MTCH1: variants seen among roughly 807,000 people sequenced by gnomAD.
MTCH1 encodes the protein mitochondrial carrier 1, also known as mitochondrial carrier homolog 1.
In MTCH1, 23 loss-of-function variants were observed where a neutral mutation model predicts 49.3. That is an observed-to-expected ratio of 0.47 (90% CI 0.34 to 0.66). The LOEUF is 0.66. MTCH1 is among the 30% of genes least tolerant of loss of function. The pLI is 0.01. For missense variants in MTCH1, 397 were observed against 532.1 expected (o/e 0.75, Z 2.50); for synonymous variants, 229 against 215.2 (o/e 1.06, Z -0.56).
intron 7 of MTCH1, among the ~76,000 whole-genome samples, chr6:36,974,640 C>T (rs977367503): frequency 1.3e-5 from 2 of 152,154 alleles, no homozygotes; most frequent in Admixed American, 6.5e-5. Flanking sequence ...AAGATGTCTC[C>T]GGACACTGCC....
chr6:36,978,856 T>C lies in MTCH1; in HGVS notation c.407-245A>G, dbSNP rs553024937. 1.9e-3 allele frequency among the ~76,000 whole-genome samples: 285 copies of C among 148,900 alleles called. 5 individuals are homozygous for C. The Middle Eastern group carries it at 0.021, about 11-fold the overall frequency. On this transcript the variant is annotated intron_variant, in intron 2 of 11. Transcript: ENST00000373627. ...CAAACAAGTTCATATATTTTCTTCC[T>C]TCCTTCCCTCCCTCCCTCCTTTTTT...
rs1459196787 is a variant in MTCH1 at position 36,972,677 on chromosome 6, C to A, written c.881G>T (p.Gly294Val). ...CTGGGAACCTGGATTCTGGTCGTTTCCCAGCCCCCCTGGGGTGTCACTCAC... is the reference window on the plus strand; with the variant it reads ...CTGGGAACCTGGATTCTGGTCGTTTACCAGCCCCCCTGGGGTGTCACTCAC... Reference protein sequence around the residue: ...DSVSDTPGGLGNDQNPGSQFS... With the variant: ...DSVSDTPGGLVNDQNPGSQFS... Residue 294 changes from glycine to valine, a missense_variant, in exon 8 of 12, where the codon GGA becomes GTA. Around this residue, in one of 2 missense-constraint regions of MTCH1, gnomAD observed 252 missense variants for 388.3 expected, o/e 0.65. Transcript: ENST00000373627. This position sits in a 1 kb window ranked among gnomAD's most constrained non-coding sequence, Gnocchi z 4.1. 2 of 1,551,274 alleles carry A rather than the reference C, an allele frequency of 1.3e-6. No homozygotes were observed. The highest frequency in any genetic ancestry group is 2.4e-5 in the South Asian group (2 of 84,032).
intron 6 of MTCH1, 46 bp from the exon 7 acceptor site, chr6:36,975,763 C>T (rs1343710051): frequency 1.9e-6 from 3 of 1,580,944 alleles, no homozygotes; most frequent in South Asian, 1.1e-5. Context: ...CAGTCACCTA[C>T]CAGAAGCCCA....
In MTCH1 at chr6:36,985,859, G is replaced by A. The variant is rs745391731; in HGVS notation, c.315C>T (p.Leu105=). ...GGCGCCTCTGGTCCCCCACCTGGATGAGCAGCTTCACGTAGAGCAGGGGAT... is the reference window on the plus strand; with the variant it reads ...GGCGCCTCTGGTCCCCCACCTGGATAAGCAGCTTCACGTAGAGCAGGGGAT... ...LSHPLLYVKL[L]IQVGHEPMPP... is the part of the protein sequence containing the mutation. Residue 105 remains leucine, a synonymous_variant, in exon 1 of 12, where the codon CTC becomes CTT. Transcript: ENST00000373627. The A allele has an allele frequency of 7.7e-6, 12 of 1,556,932 alleles. No individual in the cohort carries two copies. In the Middle Eastern group the frequency reaches 5.0e-4, roughly 65 times the overall value.
chr6:36,984,374 C>A (rs1026206516), intron 1 of MTCH1, among the ~76,000 whole-genome samples: 1 of 152,182 alleles, frequency 6.6e-6, no homozygotes. Flanking sequence ...TAGTCAGGCA[C>A]CTTGATGCCC....
rs1372288218 is a variant in MTCH1 at position 36,982,801 on chromosome 6, T to C, written c.322-1129A>G. ...CTGCTGCCAGGGAGGAGGCAAGGTG[T>C]CAAGGAGACCAGCACCTAGGTGGGG... is the stretch of plus-strand genomic sequence containing the variant. On this transcript the variant is annotated intron_variant, in intron 1 of 11. Coordinates refer to ENST00000373627, the MANE Select transcript of MTCH1 (RefSeq NM_001271641.2). The surrounding 1 kb of genome is among the most constrained non-coding windows in gnomAD (Gnocchi z 4.1). 6.6e-6 allele frequency among the ~76,000 whole-genome samples: 1 copy of C among 152,166 alleles called. No individual in the cohort carries two copies. The highest frequency in any genetic ancestry group is 1.5e-5 in the Non-Finnish European group (1 of 68,014).
intron 6 of MTCH1, 86 bp from the exon 7 acceptor site, chr6:36,975,803 T>C: frequency 8.2e-7 from 1 of 1,219,254 alleles, no homozygotes; most frequent in Non-Finnish European, 1.2e-6. Flanking sequence ...GCCCACCAGT[T>C]CTGCTCAAAT....
intron 6 of MTCH1, among the ~76,000 whole-genome samples, chr6:36,976,202 A>G (rs1178038595): frequency 6.6e-6 from 1 of 152,138 alleles, no homozygotes; most frequent in African/African-American, 2.4e-5. Context: ...AGGAGGAGGC[A>G]CTGGAACCAG....
rs2293382 is a variant in MTCH1, at chr6:36,972,532, T to C, written c.906+120A>G. On this transcript the variant is annotated intron_variant, in intron 8 of 11. Transcript: ENST00000373627. The surrounding 1 kb of genome is among the most constrained non-coding windows in gnomAD (Gnocchi z 4.1). ...TAGACAAAGATGACTCCAGGGATAA[T>C]GAGAGGTCCTCTCTCACCCTCCCGG... The C allele has an allele frequency of 4.1e-6, 5 of 1,233,000 alleles. No individual in the cohort carries two copies. In the East Asian group the frequency reaches 1.3e-4, roughly 32 times the overall value. The allele number at this position is 1,233,000 out of a possible 1,614,324, so 76.4% of individuals were successfully genotyped here.
At chr6:36,986,226 AC>A (rs754337312), upstream of MTCH1, 2,504 of 1,370,650 alleles carry the variant, frequency 1.8e-3, 5 homozygotes, top group Non-Finnish European at 2.2e-3. Context: ...ACGCCCCCTC[AC>A]CGGCGTCAGG....
Position 36,970,084 on chromosome 6 carries a change from T to C in MTCH1, c.1053A>G (p.Pro351=), listed in dbSNP as rs377194346. 1.2e-6 allele frequency: 2 copies of C among 1,614,140 alleles called. No individual in the cohort carries two copies. Residue 351 remains proline, a synonymous_variant, in exon 11 of 12, where the codon CCA becomes CCG. Coordinates refer to ENST00000373627, the MANE Select transcript of MTCH1 (RefSeq NM_001271641.2). ...GLQAGLPPYS[P]VFKSWIHCWK... is the part of the protein sequence containing the mutation. ...AGCAGTGAATCCAGGATTTGAACAC[T>C]GGGGAGTAAGGGGGGAGCCCAGCTT...
At position 36,985,949 on chromosome 6, in the gene MTCH1, C is replaced by G. The variant is rs1583272384; in HGVS notation, c.225G>C (p.Gly75=). ...MDGGSGGLGS[G]DNAPTTEALF... ...GAGCCTCAGTGGTCGGGGCGTTGTCCCCAGACCCCAGGCCCCCTGACCCGC... is the reference window on the plus strand; with the variant it reads ...GAGCCTCAGTGGTCGGGGCGTTGTCGCCAGACCCCAGGCCCCCTGACCCGC... The change falls in exon 1 of 12, where the codon GGG becomes GGC. Residue 75 remains glycine, a synonymous_variant. Coordinates refer to ENST00000373627, the MANE Select transcript of MTCH1 (RefSeq NM_001271641.2). 3 of 1,551,134 alleles carry G rather than the reference C, an allele frequency of 1.9e-6. No homozygotes were observed. The African/African-American group carries it at 4.1e-5, about 21-fold the overall frequency.
chr6:36,980,107 C>G (rs1397623107), intron 2 of MTCH1, among the ~76,000 whole-genome samples: 2 of 152,174 alleles, frequency 1.3e-5, no homozygotes, highest in Non-Finnish European at 2.9e-5. Flanking sequence ...AATGGCGGGT[C>G]CCCTCTCTGA....
At chr6:36,985,706 A>AC in intron 1 of MTCH1, 147 bp downstream of exon 1, 7 of 228,062 alleles carry the variant, frequency 3.1e-5, no homozygotes, top group East Asian at 1.6e-4. Context: ...CTTCCCTCCC[A>AC]TCCCACCCAC....
intron 2 of MTCH1, among the ~76,000 whole-genome samples, chr6:36,979,172 C>T (rs3798478): frequency 0.11 from 16,597 of 152,076 alleles, 1,101 homozygotes; most frequent in South Asian, 0.17. Flanking sequence ...TGTGCTACAC[C>T]CAGGATACCA....
chr6:36,978,308 G>A (rs1483804686), intron 3 of MTCH1, among the ~76,000 whole-genome samples, 153 bp from the exon 4 acceptor site: 2 of 152,216 alleles, frequency 1.3e-5, no homozygotes, highest in Non-Finnish European at 2.9e-5. Context: ...GGAGCTTGGG[G>A]GGAAAAGAAA....
In MTCH1 at chr6:36,970,684, G is replaced by A. The variant is rs1433585544; in HGVS notation, c.917C>T (p.Ala306Val). 6.2e-7 allele frequency: 1 copy of A among 1,614,136 alleles called. No individual in the cohort carries two copies. The highest frequency in any genetic ancestry group is 8.5e-7 in the Non-Finnish European group (1 of 1,180,014). ...DQNPGSQFSQ[A>V]LAIRSYTKFV... Reference sequence around the variant, plus strand: ...CTTGGTATAGCTCCGGATGGCCAGGGCCTGGCTGAACTGAGGAGACAGAAG... The same window carrying A: ...CTTGGTATAGCTCCGGATGGCCAGGACCTGGCTGAACTGAGGAGACAGAAG... The change falls in exon 9 of 12, where the codon GCC (alanine) becomes GTC (valine). Residue 306 changes from alanine (A) to valine (V), a missense_variant. Physicochemically the swap from Ala to Val is moderately conservative, Grantham distance 64. Around this residue, in one of 2 missense-constraint regions of MTCH1, gnomAD observed 252 missense variants for 388.3 expected, o/e 0.65. Coordinates refer to ENST00000373627, the MANE Select transcript of MTCH1 (RefSeq NM_001271641.2).
At chr6:36,976,790 G>T (rs1473615081) in intron 6 of MTCH1, among the ~76,000 whole-genome samples, 1 of 152,216 alleles carries the variant, frequency 6.6e-6, no homozygotes, top group Non-Finnish European at 1.5e-5. Context: ...CCAAGCCCAT[G>T]GGGTGGATGG....
chr6:36,986,218 G>A (rs1554145180), upstream of MTCH1: 3 of 1,385,140 alleles, frequency 2.2e-6, no homozygotes, highest in South Asian at 3.1e-5. Flanking sequence ...ACGGGGCCAC[G>A]CCCCCTCACC....
Sources: gnomAD v4.1 joint callset for allele counts (sites outside exome capture counted in the v4.1 genomes callset) on GRCh38, gnomAD v4.1.1 for gene constraint, gnomAD v4.1.1 regional missense constraint, Gnocchi (gnomAD v3.1) non-coding constraint, MANE v1.5 for transcripts, NCBI Gene and HGNC (gene_info 2026-07-23, HGNC 2026-07-21) for gene names.